The following TMC5 variants were observed in gnomAD, a reference collection of about 807,000 sequenced individuals.
TMC5 encodes transmembrane channel-like protein 5.
Under a neutral mutation model 110.5 loss-of-function variants are expected in TMC5, and 86 were observed. The observed-to-expected ratio is 0.78, with a 90% CI of 0.65 to 0.93. The LOEUF (loss-of-function observed/expected upper bound fraction) is 0.93, where lower values mean the gene tolerates loss of function less well. TMC5 is among the 40% of genes least tolerant of loss of function. TMC5 has a pLI of 0.00. For synonymous variants in TMC5, 455 were observed against 439.5 expected (o/e 1.04, Z -0.44); for missense variants, 1,144 against 1,222.8 (o/e 0.94, Z 0.96).
upstream of TMC5, among the ~76,000 whole-genome samples, chr16:19,413,251 TG>T (rs1234907639): frequency 6.6e-6 from 1 of 151,770 alleles, no homozygotes; most frequent in Admixed American, 6.6e-5. Context: ...AGGCTGGGCA[TG>T]GTTACTCAAG....
intron 11 of TMC5, among the ~76,000 whole-genome samples, chr16:19,473,205 G>A (rs578031993): frequency 6.6e-6 from 1 of 151,860 alleles, no homozygotes; most frequent in South Asian, 2.1e-4. Flanking sequence ...AATTAGCTGG[G>A]TATGATGGTG....
At chr16:19,458,561 C>G (rs905496782) in intron 5 of TMC5, among the ~76,000 whole-genome samples, 1 of 152,130 alleles carries the variant, frequency 6.6e-6, no homozygotes, top group African/African-American at 2.4e-5. Context: ...GGCATAAAGT[C>G]AAGCAGCTCT....
chr16:19,491,949 T>G lies in TMC5; in HGVS notation c.2748-201T>G, dbSNP rs118114294. Among the ~76,000 whole-genome samples, 681 of 152,314 alleles carry G rather than the reference T, an allele frequency of 4.5e-3. 7 individuals are homozygous for G. The highest frequency in any genetic ancestry group is 0.011 in the South Asian group (55 of 4,828). On this transcript the variant is annotated intron_variant, in intron 18 of 21. Coordinates refer to ENST00000542583, the MANE Select transcript of TMC5 (RefSeq NM_001261841.2). ...TCAATTAATTGGTCTGAAGAGGAGCTGTGGCATGGGCTTATTTCCCCCTTC... is the reference window on the plus strand; with the variant it reads ...TCAATTAATTGGTCTGAAGAGGAGCGGTGGCATGGGCTTATTTCCCCCTTC...
upstream of TMC5, among the ~76,000 whole-genome samples, chr16:19,414,384 T>C (rs933102421): frequency 2.0e-5 from 3 of 152,170 alleles, no homozygotes; most frequent in Non-Finnish European, 4.4e-5. Flanking sequence ...TATAAAAATA[T>C]TTTCATAGAA....
At chr16:19,446,350 G>T (rs539591873) in intron 4 of TMC5, among the ~76,000 whole-genome samples, 1 of 152,256 alleles carries the variant, frequency 6.6e-6, no homozygotes, top group Admixed American at 6.5e-5. Context: ...GTATATCTTT[G>T]GTATTAAAAC....
chr16:19,494,653 A>G (rs1005438168), intron 20 of TMC5, among the ~76,000 whole-genome samples: 2 of 152,118 alleles, frequency 1.3e-5, no homozygotes, highest in Non-Finnish European at 2.9e-5. Flanking sequence ...CTAAAAATAC[A>G]AAAGTTAGCT....
chr16:19,477,380 T>G, intron 12 of TMC5, 60 bp from the exon 13 acceptor site: 1 of 1,302,744 alleles, frequency 7.7e-7, no homozygotes, highest in Non-Finnish European at 1.1e-6. Context: ...AGGAGCTATT[T>G]GCAGACAGAA....
At chr16:19,475,569 G>C (rs1968467693) in intron 12 of TMC5, among the ~76,000 whole-genome samples, 1 of 152,050 alleles carries the variant, frequency 6.6e-6, no homozygotes, top group Admixed American at 6.6e-5. Flanking sequence ...CCTGCTCACT[G>C]CCTGTCCCCG....
chr16:19,434,495 T>G (rs112412974), intron 2 of TMC5, among the ~76,000 whole-genome samples: 8,448 of 70,258 alleles, frequency 0.12, 578 homozygotes, highest in Non-Finnish European at 0.14. Context: ...TAGATAGATA[T>G]AGAGAGAGAG....
chr16:19,459,587 G>A (rs1967967903), intron 5 of TMC5, among the ~76,000 whole-genome samples: 1 of 151,770 alleles, frequency 6.6e-6, no homozygotes, highest in Admixed American at 6.6e-5. Context: ...GACCACCTTG[G>A]GCAACATAGC....
chr16:19,457,781 A>G (rs1967924298), intron 5 of TMC5, among the ~76,000 whole-genome samples: 2 of 120,542 alleles, frequency 1.7e-5, no homozygotes, highest in Admixed American at 2.4e-4. Context: ...TGGAGTGTAG[A>G]GGCACAATCT....
Position 19,454,222 on chromosome 16 carries a change from A to AT in TMC5, c.1048+4595dup, listed in dbSNP as rs1967815440. Among the ~76,000 whole-genome samples the AT allele has an allele frequency of 6.6e-5, 10 of 152,012 alleles. No homozygotes were observed. In the South Asian group the frequency reaches 2.1e-3, roughly 32 times the overall value. On this transcript the variant is annotated intron_variant, in intron 5 of 21. Transcript: ENST00000542583. ...GCCACCACACCTGGATAATTTTTGTATTTTCAGTAGACAGAGTTTCACCAT... is the reference window on the plus strand; with the variant it reads ...GCCACCACACCTGGATAATTTTTGTATTTTTCAGTAGACAGAGTTTCACCAT...
At chr16:19,469,591 A>G (rs1968273982) in intron 9 of TMC5, 90 bp from the exon 10 acceptor site, 2 of 1,529,090 alleles carry the variant, frequency 1.3e-6, no homozygotes, top group Admixed American at 1.7e-5. Flanking sequence ...GCCTTTCACC[A>G]TTAATAATAG....
intron 18 of TMC5, 127 bp downstream of exon 18, chr16:19,490,695 T>G: frequency 1.2e-6 from 1 of 820,352 alleles, no homozygotes; most frequent in Non-Finnish European, 2.0e-6. Flanking sequence ...ACTCTACCCT[T>G]GCATAGGTAG....
intron 8 of TMC5, 108 bp from the exon 9 acceptor site, chr16:19,465,970 AACTG>A: frequency 8.5e-6 from 10 of 1,176,578 alleles, no homozygotes; most frequent in Non-Finnish European, 1.2e-5. Flanking sequence ...AAAATGTCTA[AACTG>A]ACTGGCCCAG....
At chr16:19,422,555 A>ATGG (rs1021381696) in intron 1 of TMC5, among the ~76,000 whole-genome samples, 53 of 152,236 alleles carry the variant, frequency 3.5e-4, no homozygotes, top group African/African-American at 1.2e-3. Context: ...GCAGCTGGGT[A>ATGG]TGGTGGCTCA....
At chr16:19,465,107 TCCTTCCTCCCTCCCTCCCTC>T (rs1383003116) in intron 8 of TMC5, among the ~76,000 whole-genome samples, 9 of 86,040 alleles carry the variant, frequency 1.0e-4, no homozygotes, top group Non-Finnish European at 1.9e-4. Flanking sequence ...CTTCCTTCCT[TCCTTCCTCCCTCCCTCCCTC>T]CCTCCCTTCC....
intron 5 of TMC5, among the ~76,000 whole-genome samples, chr16:19,450,634 C>T (rs1425106262): frequency 6.6e-6 from 1 of 152,148 alleles, no homozygotes; most frequent in Non-Finnish European, 1.5e-5. Context: ...TGCTTAGCCA[C>T]CTCATTAGGA....
At position 19,430,511 on chromosome 16, in the gene TMC5, C is replaced by T. The variant is rs557309387; in HGVS notation, c.-209C>T. The T allele has an allele frequency of 6.6e-6, 1 of 152,610 alleles. No individual in the cohort carries two copies. Among genetic ancestry groups the T allele is most frequent in the East Asian group, 1.9e-4 (1 of 5,180 alleles). 9.5% of individuals were successfully genotyped at this position (152,610 alleles called of 1,614,324 possible). A position where few individuals can be genotyped will look rare whatever the true frequency, so the allele number is the denominator to read the frequency against. On this transcript the variant is annotated 5_prime_UTR_variant, in exon 2 of 22. Transcript: ENST00000542583. ...CCGTAAATCATCTGCATCCCAGCTCCCATCAAAAGCCAGCCTGAAGGACCC... is the reference window on the plus strand; with the variant it reads ...CCGTAAATCATCTGCATCCCAGCTCTCATCAAAAGCCAGCCTGAAGGACCC...
Sources: allele counts gnomAD v4.1 joint callset (sites outside exome capture counted in the v4.1 genomes callset), GRCh38; gene constraint gnomAD v4.1.1; transcripts MANE v1.5; gene names NCBI Gene and HGNC (gene_info 2026-07-23, HGNC 2026-07-21).